Variants in SLC37A3 observed in about 807,000 individuals in gnomAD.
The protein encoded by SLC37A3 is solute carrier family 37 member 3, also known as sugar phosphate exchanger 3.
SLC37A3 carries 51 observed loss-of-function variants against 67.1 expected under a neutral mutation model. That is an observed-to-expected ratio of 0.76 (90% CI 0.61 to 0.96). The LOEUF (loss-of-function observed/expected upper bound fraction) is 0.96. Among genes scored for constraint, SLC37A3 ranks in the 40% least tolerant of loss-of-function variants. The pLI is 0.00. For missense variants in SLC37A3, 508 were observed against 603.0 expected (o/e 0.84, Z 1.65); for synonymous variants, 214 against 231.4 (o/e 0.92, Z 0.68).
intron 5 of SLC37A3, among the ~76,000 whole-genome samples, chr7:140,362,069 G>C (rs543542703): frequency 2.8e-4 from 33 of 118,184 alleles, no homozygotes; most frequent in Admixed American, 7.9e-4. Context: ...AGTGAGGAGC[G>C]TCTCTGCCCG....
At chr7:140,356,747 G>A (rs1797045110) in intron 6 of SLC37A3, among the ~76,000 whole-genome samples, 2 of 152,124 alleles carry the variant, frequency 1.3e-5, no homozygotes, top group Non-Finnish European at 2.9e-5. Flanking sequence ...TTAGAAAAAT[G>A]GAAATTAAAG....
intron 3 of SLC37A3, chr7:140,379,345 G>C (rs938054065): frequency 6.6e-6 from 1 of 151,530 alleles, no homozygotes; most frequent in African/African-American, 2.4e-5. Context: ...CGTGGTGGCG[G>C]GCACCTGTGG....
chr7:140,375,343 T>C (rs1305421531), intron 3 of SLC37A3, among the ~76,000 whole-genome samples: 1 of 151,710 alleles, frequency 6.6e-6, no homozygotes, highest in Non-Finnish European at 1.5e-5. Flanking sequence ...GGCATGGTGA[T>C]GTGCACCTGT....
chr7:140,389,235 G>C (rs929877436), intron 1 of SLC37A3, among the ~76,000 whole-genome samples: 2 of 152,010 alleles, frequency 1.3e-5, no homozygotes, highest in Non-Finnish European at 2.9e-5. Flanking sequence ...GCAACCTCTG[G>C]GGTCTGAACC....
At chr7:140,358,845 C>A in intron 5 of SLC37A3, 60 bp from the exon 6 acceptor site, 1 of 1,594,412 alleles carries the variant, frequency 6.3e-7, no homozygotes, top group East Asian at 2.2e-5. Context: ...TCAGTGGACG[C>A]CACTCTACCC....
chr7:140,375,188 G>C (rs1203805204), intron 3 of SLC37A3, among the ~76,000 whole-genome samples: 1 of 147,696 alleles, frequency 6.8e-6, no homozygotes, highest in East Asian at 2.0e-4. Flanking sequence ...AAAAAAACAG[G>C]CTGGGTGCAG....
At chr7:140,349,811 A>T (rs1199621180) in intron 9 of SLC37A3, among the ~76,000 whole-genome samples, 1 of 152,226 alleles carries the variant, frequency 6.6e-6, no homozygotes, top group Non-Finnish European at 1.5e-5. Flanking sequence ...ACAGCAAAAG[A>T]GGTCCATATT....
At chr7:140,353,721 T>G (rs967481947) in intron 7 of SLC37A3, among the ~76,000 whole-genome samples, 2 of 147,624 alleles carry the variant, frequency 1.4e-5, no homozygotes, top group Admixed American at 6.8e-5. Flanking sequence ...TTTTGTTTTG[T>G]TTTTTTTTTG....
chr7:140,391,121 T>A (rs1798710812), intron 1 of SLC37A3, among the ~76,000 whole-genome samples: 1 of 152,184 alleles, frequency 6.6e-6, no homozygotes, highest in Admixed American at 6.5e-5. Context: ...GATTTCACAC[T>A]TCTCTTTTTA....
chr7:140,351,704 G>A (rs546579848), intron 8 of SLC37A3: 3 of 570,294 alleles, frequency 5.3e-6, no homozygotes, highest in East Asian at 5.9e-5. Flanking sequence ...TTAACTACAG[G>A]TTAAGTATCT....
intron 4 of SLC37A3, among the ~76,000 whole-genome samples, chr7:140,368,731 G>A (rs2129637222): frequency 1.3e-5 from 2 of 152,214 alleles, no homozygotes; most frequent in Middle Eastern, 6.8e-3. Flanking sequence ...CCAAAAGCGA[G>A]TCATCAAAGC....
intron 14 of SLC37A3, among the ~76,000 whole-genome samples, chr7:140,336,214 C>A (rs1796124882): frequency 6.6e-6 from 1 of 152,190 alleles, no homozygotes; most frequent in African/African-American, 2.4e-5. Context: ...GAGTTTGAGA[C>A]CAGCCTGGGC....
At chr7:140,353,735 C>T (rs751740982) in intron 7 of SLC37A3, among the ~76,000 whole-genome samples, 7 of 150,800 alleles carry the variant, frequency 4.6e-5, no homozygotes, top group Non-Finnish European at 8.9e-5. Context: ...TTTTTTGATA[C>T]GGAGTCTCGC....
At chr7:140,364,056 G>C (rs1442602846) in intron 5 of SLC37A3, among the ~76,000 whole-genome samples, 1 of 152,178 alleles carries the variant, frequency 6.6e-6, no homozygotes, top group Non-Finnish European at 1.5e-5. Flanking sequence ...CAGGAGATAA[G>C]ACTGGCCAAC....
intron 12 of SLC37A3, among the ~76,000 whole-genome samples, chr7:140,344,682 A>G (rs1796485357): frequency 1.3e-5 from 2 of 152,060 alleles, no homozygotes; most frequent in Admixed American, 1.3e-4. Flanking sequence ...CTTGAACCCA[A>G]GAGGTGTAGG....
intron 2 of SLC37A3, 26 bp downstream of exon 2, chr7:140,382,412 G>A (rs546195433): frequency 1.2e-6 from 2 of 1,603,314 alleles, no homozygotes; most frequent in South Asian, 1.1e-5. Context: ...AAAAAAGCAG[G>A]AGAGCAGCTT....
At chr7:140,376,190 G>A (rs138426189) in intron 3 of SLC37A3, among the ~76,000 whole-genome samples, 2 of 152,238 alleles carry the variant, frequency 1.3e-5, no homozygotes, top group African/African-American at 4.8e-5. Flanking sequence ...CTTTTTGACT[G>A]TTGACTTAAA....
At chr7:140,350,884 A>G (rs1406806548) in intron 9 of SLC37A3, among the ~76,000 whole-genome samples, 1 of 151,842 alleles carries the variant, frequency 6.6e-6, no homozygotes, top group Non-Finnish European at 1.5e-5. Context: ...AAAAGCACAC[A>G]TTAAAAATTA....
At chr7:140,356,352 T>TA (rs1205086401) in intron 6 of SLC37A3, among the ~76,000 whole-genome samples, 3 of 152,114 alleles carry the variant, frequency 2.0e-5, no homozygotes, top group Middle Eastern at 3.4e-3. Flanking sequence ...TTTTAATAGA[T>TA]ACTTCACACA....
Sources: gnomAD v4.1 joint callset for allele counts (sites outside exome capture counted in the v4.1 genomes callset) on GRCh38, gnomAD v4.1.1 for gene constraint, MANE v1.5 for transcripts, NCBI Gene and HGNC (gene_info 2026-07-23, HGNC 2026-07-21) for gene names.